CPNE5: variants seen among roughly 807,000 people sequenced by gnomAD.
The protein encoded by CPNE5 is copine-5.
In CPNE5, 42 loss-of-function variants were observed where a neutral mutation model predicts 81.1. The observed-to-expected ratio is 0.52, with a 90% CI of 0.40 to 0.67. The LOEUF is 0.67. CPNE5 is among the 30% of genes least tolerant of loss of function. The probability of loss-of-function intolerance (pLI) is 0.00; values close to 1 mark genes in which losing one functional copy is unlikely to be tolerated. For missense variants in CPNE5, 612 were observed against 815.5 expected (o/e 0.75, Z 3.04); for synonymous variants, 313 against 321.5 (o/e 0.97, Z 0.28).
At chr6:36,806,492 G>A (rs1306045624) in intron 3 of CPNE5, among the ~76,000 whole-genome samples, 1 of 152,116 alleles carries the variant, frequency 6.6e-6, no homozygotes, top group East Asian at 1.9e-4. Context: ...CCATCGCCAC[G>A]GCAAGCCTGG....
intron 10 of CPNE5, among the ~76,000 whole-genome samples, chr6:36,773,418 A>G (rs1488325123): frequency 6.6e-6 from 1 of 152,198 alleles, no homozygotes. Context: ...GTATAATTAC[A>G]TGTTTCCTTG....
At chr6:36,793,813 G>A (rs1256383657) in intron 7 of CPNE5, among the ~76,000 whole-genome samples, 1 of 152,182 alleles carries the variant, frequency 6.6e-6, no homozygotes, top group Non-Finnish European at 1.5e-5. Flanking sequence ...AGAGCTCTCA[G>A]GGAAGGCCAG....
intron 1 of CPNE5, among the ~76,000 whole-genome samples, chr6:36,834,843 G>A (rs1773330495): frequency 6.6e-6 from 1 of 152,082 alleles, no homozygotes; most frequent in African/African-American, 2.4e-5. Flanking sequence ...TTTGACAGCT[G>A]CCGCCCTCCC....
At chr6:36,765,541 G>A (rs1249144276) in intron 10 of CPNE5, among the ~76,000 whole-genome samples, 165 bp from the exon 11 acceptor site, 1 of 151,814 alleles carries the variant, frequency 6.6e-6, no homozygotes, top group African/African-American at 2.4e-5. Flanking sequence ...GATCTCTCTT[G>A]AGGCCTTTTA....
chr6:36,819,420 C>CT (rs975834713), intron 3 of CPNE5, among the ~76,000 whole-genome samples: 1 of 152,056 alleles, frequency 6.6e-6, no homozygotes. Context: ...TCCTTTCTTT[C>CT]TTTTTTTTAT....
chr6:36,791,924 T>TC, intron 8 of CPNE5, 109 bp downstream of exon 8: 1 of 929,288 alleles, frequency 1.1e-6, no homozygotes, highest in Non-Finnish European at 1.8e-6. Flanking sequence ...CAGGTCAGCA[T>TC]CAGGAGCCCT....
chr6:36,833,883 T>C (rs906778513), intron 1 of CPNE5, among the ~76,000 whole-genome samples: 7 of 152,084 alleles, frequency 4.6e-5, no homozygotes, highest in Non-Finnish European at 7.4e-5. Flanking sequence ...ATTTGTCACA[T>C]AGCAATTGAG....
At chr6:36,782,863 AC>A (rs1562132110) in intron 8 of CPNE5, among the ~76,000 whole-genome samples, 3 of 147,966 alleles carry the variant, frequency 2.0e-5, no homozygotes, top group African/African-American at 7.5e-5. Flanking sequence ...ACACACACAC[AC>A]ACACAAAACG....
At chr6:36,826,692 G>A (rs1772531413) in intron 1 of CPNE5, among the ~76,000 whole-genome samples, 1 of 152,238 alleles carries the variant, frequency 6.6e-6, no homozygotes, top group African/African-American at 2.4e-5. Context: ...AAGCTGGATG[G>A]ATGAAGGACG....
intron 3 of CPNE5, among the ~76,000 whole-genome samples, chr6:36,805,536 G>A (rs774131910): frequency 9.9e-5 from 15 of 152,240 alleles, no homozygotes; most frequent in Non-Finnish European, 1.9e-4. Flanking sequence ...GTGATGCAGA[G>A]AGCCCTAGAG....
intron 3 of CPNE5, among the ~76,000 whole-genome samples, chr6:36,819,993 C>T (rs940683876): frequency 3.3e-5 from 5 of 152,220 alleles, no homozygotes; most frequent in African/African-American, 7.2e-5. Flanking sequence ...GCTTCAGCTC[C>T]GCCGCTCAGC....
intron 8 of CPNE5, among the ~76,000 whole-genome samples, chr6:36,788,119 C>T (rs1452534939): frequency 1.3e-5 from 2 of 151,508 alleles, no homozygotes; most frequent in Non-Finnish European, 2.9e-5. Context: ...CAGCTTTGAC[C>T]TCCCAAGCTC....
At chr6:36,752,499 G>A (rs1362189306) in intron 14 of CPNE5, 1 of 152,574 alleles carries the variant, frequency 6.6e-6, no homozygotes, top group Non-Finnish European at 1.5e-5. Flanking sequence ...ACAGTGAGCA[G>A]GTTAATCACT....
rs894724723 is a variant in CPNE5 at position 36,756,402 on chromosome 6, T to G, written c.856-104A>C. 71 of 929,204 alleles carry G rather than the reference T, an allele frequency of 7.6e-5. 1 individual carries two copies. Among genetic ancestry groups the G allele is most frequent in the Middle Eastern group, 6.4e-4 (3 of 4,712 alleles). The allele number at this position is 929,204 out of a possible 1,614,324, so 57.6% of individuals were successfully genotyped here. On this transcript the variant is annotated intron_variant, in intron 12 of 20. Transcript: ENST00000244751. ...GGGTGTGGTCCAAGCCCAGCCCCAT[T>G]AGAGTGTGGGGTGTGAAGACCACGG...
intron 16 of CPNE5, 64 bp from the exon 17 acceptor site, chr6:36,745,579 G>C: frequency 6.6e-7 from 1 of 1,519,732 alleles, no homozygotes; most frequent in Admixed American, 2.0e-5. Flanking sequence ...CGATGTGTGG[G>C]AACTGAGTCC....
chr6:36,804,362 T>C (rs1390736042), intron 3 of CPNE5, among the ~76,000 whole-genome samples: 1 of 152,214 alleles, frequency 6.6e-6, no homozygotes, highest in African/African-American at 2.4e-5. Context: ...AATAACAATC[T>C]TACAATGCAT....
intron 17 of CPNE5, 26 bp from the exon 18 acceptor site, chr6:36,745,176 G>A: frequency 3.8e-6 from 6 of 1,585,408 alleles, no homozygotes; most frequent in African/African-American, 1.3e-5. Flanking sequence ...GTGGGCTCAG[G>A]TCTGTCTGCG....
At chr6:36,760,791 T>G (rs1046098160) in intron 12 of CPNE5, among the ~76,000 whole-genome samples, 1 of 152,160 alleles carries the variant, frequency 6.6e-6, no homozygotes, top group African/African-American at 2.4e-5. Flanking sequence ...CAGCTGGACA[T>G]AGGAGCCTGA....
intron 9 of CPNE5, among the ~76,000 whole-genome samples, chr6:36,776,967 G>A (rs778093343): frequency 9.9e-5 from 15 of 152,178 alleles, no homozygotes; most frequent in African/African-American, 3.1e-4. Context: ...CTGGCCCACC[G>A]CTAGGCGGGC....
Sources: gnomAD v4.1 joint callset for allele counts (sites outside exome capture counted in the v4.1 genomes callset) on GRCh38, gnomAD v4.1.1 for gene constraint, MANE v1.5 for transcripts, NCBI Gene and HGNC (gene_info 2026-07-23, HGNC 2026-07-21) for gene names.